OR1J2: variants seen among roughly 807,000 people sequenced by gnomAD.
OR1J2 encodes olfactory receptor family 1 subfamily J member 2, also known as olfactory receptor 1J2.
For synonymous variants in OR1J2, 142 were observed against 99.7 expected, an observed-to-expected ratio of 1.42 and a Z score of -2.52; for missense variants, 304 against 246.1, an observed-to-expected ratio of 1.24 and a Z score of -1.57.
the OR1J2 span, among the ~76,000 whole-genome samples, chr9:122,496,416 G>A: frequency 1.3e-5 from 2 of 152,286 alleles, no homozygotes; most frequent in Non-Finnish European, 2.9e-5. Flanking sequence ...TTCTGTGGGA[G>A]TCGCAGGTGG....
At chr9:122,565,486 G>A in the OR1J2 span, among the ~76,000 whole-genome samples, 1 of 152,208 alleles carries the variant, frequency 6.6e-6, no homozygotes, top group African/African-American at 2.4e-5. Flanking sequence ...TCAGCAGCAT[G>A]TACTCCCACT....
the OR1J2 span, among the ~76,000 whole-genome samples, chr9:122,565,552 A>G: frequency 6.6e-6 from 1 of 152,198 alleles, no homozygotes; most frequent in African/African-American, 2.4e-5. Flanking sequence ...CCAGCAGCAG[A>G]GACCAACGCT....
the OR1J2 span, among the ~76,000 whole-genome samples, chr9:122,552,071 T>TCACACA: frequency 8.5e-6 from 1 of 116,976 alleles, no homozygotes; most frequent in Non-Finnish European, 2.0e-5. Context: ...TCTCTCTCTC[T>TCACACA]CTCTCTCTCA....
At chr9:122,454,295 A>G in the OR1J2 span, among the ~76,000 whole-genome samples, 3 of 152,160 alleles carry the variant, frequency 2.0e-5, no homozygotes, top group East Asian at 1.9e-4. Flanking sequence ...AGGTGGGTGG[A>G]TCATTTGAGG....
chr9:122,475,869 G>A, the OR1J2 span: 2 of 152,202 alleles, frequency 1.3e-5, no homozygotes, highest in African/African-American at 2.4e-5. Flanking sequence ...ATCAGACTGA[G>A]CTAATTATTC....
upstream of OR1J2, among the ~76,000 whole-genome samples, chr9:122,507,589 T>C (rs1354621708): frequency 6.6e-6 from 1 of 152,150 alleles, no homozygotes; most frequent in Non-Finnish European, 1.5e-5. Context: ...CTCACTTGTC[T>C]GAATGAGAAC....
At chr9:122,455,722 T>TC in the OR1J2 span, among the ~76,000 whole-genome samples, 1 of 152,044 alleles carries the variant, frequency 6.6e-6, no homozygotes, top group Non-Finnish European at 1.5e-5. Context: ...ACGTTCACTT[T>TC]ATTTTTTTCT....
the OR1J2 span, among the ~76,000 whole-genome samples, chr9:122,472,569 A>G: frequency 6.6e-6 from 1 of 152,240 alleles, no homozygotes; most frequent in Non-Finnish European, 1.5e-5. Context: ...TGGGTACCCC[A>G]TGCATTTGGC....
the OR1J2 span, among the ~76,000 whole-genome samples, chr9:122,530,530 C>G: frequency 7.9e-5 from 12 of 152,152 alleles, no homozygotes; most frequent in African/African-American, 2.4e-4. Flanking sequence ...TAGTACAGTG[C>G]TGGCTTTATT....
the OR1J2 span, among the ~76,000 whole-genome samples, chr9:122,501,514 AT>A: frequency 6.6e-6 from 1 of 152,216 alleles, no homozygotes; most frequent in Non-Finnish European, 1.5e-5. Flanking sequence ...CAACAAGCAC[AT>A]GCTTATTCCT....
chr9:122,566,174 T>C, the OR1J2 span, among the ~76,000 whole-genome samples: 22 of 152,374 alleles, frequency 1.4e-4, no homozygotes, highest in Admixed American at 1.0e-3. Flanking sequence ...TCAAATTGTC[T>C]ACTAAAGTAA....
chr9:122,558,017 T>G, the OR1J2 span, among the ~76,000 whole-genome samples: 1 of 152,088 alleles, frequency 6.6e-6, no homozygotes, highest in East Asian at 1.9e-4. Context: ...GGTATTCCTT[T>G]ATTATCCTTT....
chr9:122,474,625 G>T, the OR1J2 span, among the ~76,000 whole-genome samples: 1 of 152,218 alleles, frequency 6.6e-6, no homozygotes. Context: ...AGGAGAGGGG[G>T]CTCATGCTTA....
At chr9:122,547,703 A>G in the OR1J2 span, among the ~76,000 whole-genome samples, 2 of 151,680 alleles carry the variant, frequency 1.3e-5, no homozygotes, top group Non-Finnish European at 2.9e-5. Context: ...GTTGATGAAC[A>G]CTTAGTTTGA....
chr9:122,547,528 CT>C, the OR1J2 span, among the ~76,000 whole-genome samples: 303 of 152,146 alleles, frequency 2.0e-3, 2 homozygotes, highest in African/African-American at 7.0e-3. Flanking sequence ...CCTCAGCCCC[CT>C]CCCACCTTCC....
chr9:122,514,425 G>A (rs1310440582), downstream of OR1J2, among the ~76,000 whole-genome samples: 1 of 152,168 alleles, frequency 6.6e-6, no homozygotes, highest in Admixed American at 6.5e-5. Context: ...ATGGCCTCCA[G>A]TTACATCCAT....
At chr9:122,462,847 C>T in the OR1J2 span, among the ~76,000 whole-genome samples, 12 of 152,322 alleles carry the variant, frequency 7.9e-5, no homozygotes, top group South Asian at 2.1e-4. Flanking sequence ...TGCCTCGCAG[C>T]TCTTAAGATT....
At chr9:122,573,210 C>G in the OR1J2 span, among the ~76,000 whole-genome samples, 1 of 152,286 alleles carries the variant, frequency 6.6e-6, no homozygotes, top group South Asian at 2.1e-4. Flanking sequence ...TGTGATCTCC[C>G]TCAGCAAAGA....
At chr9:122,475,975 CA>C in the OR1J2 span, among the ~76,000 whole-genome samples, 1 of 152,212 alleles carries the variant, frequency 6.6e-6, no homozygotes, top group Non-Finnish European at 1.5e-5. Context: ...GTCTTCCTTT[CA>C]CGAACTATAT....
Sources: gnomAD v4.1 joint callset for allele counts (sites outside exome capture counted in the v4.1 genomes callset) on GRCh38, gnomAD v4.1.1 for gene constraint, MANE v1.5 for transcripts, NCBI Gene and HGNC (gene_info 2026-07-23, HGNC 2026-07-21) for gene names.